The following ADSS1 variants were observed in gnomAD, a reference collection of about 807,000 sequenced individuals.
ADSS1 encodes the protein adenylosuccinate synthetase isozyme 1.
ADSS1 carries 57 observed loss-of-function variants against 59.1 expected under a neutral mutation model. That is an observed-to-expected ratio of 0.97 (90% CI 0.78 to 1.20). ADSS1 has a LOEUF of 1.20. Among genes scored for constraint, ADSS1 ranks in the 50% most tolerant of loss-of-function variants. The pLI, the probability that ADSS1 is intolerant of heterozygous loss-of-function variation, is 0.00. For missense variants in ADSS1, 603 were observed against 610.3 expected (o/e 0.99, Z 0.13); for synonymous variants, 247 against 249.4 (o/e 0.99, Z 0.09).
At position 104,746,376 on chromosome 14, in the gene ADSS1, G is replaced by C; in HGVS notation, c.1312G>C (p.Gly438Arg). The change falls in exon 12 of 13, where the codon GGA becomes CGA. Residue 438 changes from glycine (G) to arginine (R), a missense_variant. Transcript: ENST00000330877. ...CATCCGCTTTGTGGAGAATCACGTG[G>C]GAGTCGCAGGTGGGTGCCCTGCATC... Reference protein sequence around the residue: ...NYIRFVENHVGVAVKWVGVGK... With the variant: ...NYIRFVENHVRVAVKWVGVGK... 2 of 1,611,590 alleles carry C rather than the reference G, an allele frequency of 1.2e-6. No individual in the cohort carries two copies. The highest frequency in any genetic ancestry group is 1.7e-6 in the Non-Finnish European group (2 of 1,178,592).
intron 7 of ADSS1, 47 bp from the exon 8 acceptor site, chr14:104,741,070 C>T (rs1891329333): frequency 1.3e-6 from 2 of 1,584,254 alleles, no homozygotes; most frequent in African/African-American, 1.3e-5. Context: ...CAGGCCTCCC[C>T]TGCCCCAGGC....
Position 104,724,325 on chromosome 14 carries a change from C to T in ADSS1, c.55C>T (p.Arg19Trp). 8.1e-7 allele frequency: 1 copy of T among 1,238,876 alleles called. No individual in the cohort carries two copies. The highest frequency in any genetic ancestry group is 3.1e-5 in the East Asian group (1 of 31,776). 76.7% of individuals were successfully genotyped at this position (1,238,876 alleles called of 1,614,324 possible). A position where few individuals can be genotyped will look rare whatever the true frequency, so the allele number is the denominator to read the frequency against. Reference sequence around the variant, plus strand: ...GCCCCCCGGCGCAGGCGGCGTCAAGCGGGGGCGGCTGCAGCAGGAGGCGGC... The same window carrying T: ...GCCCCCCGGCGCAGGCGGCGTCAAGTGGGGGCGGCTGCAGCAGGAGGCGGC... ...DRPPGAGGVK[R>W]GRLQQEAAAT... Residue 19 changes from arginine (R) to tryptophan (W), a missense_variant, in exon 1 of 13, where the codon CGG (arginine) becomes TGG (tryptophan). Physicochemically the swap from Arg to Trp is moderately radical, Grantham distance 101 (BLOSUM62 -3). Transcript: ENST00000330877.
In ADSS1 at chr14:104,735,034, C is replaced by T. The variant is rs761935811; in HGVS notation, c.207C>T (p.Ala69=). ...IISRCQGGNN[A]GHTVVVDGKE... ...TTCTGTTCCAGGGGGGCAACAACGC[C>T]GGCCACACGGTGGTGGTGGATGGGA... is the stretch of plus-strand genomic sequence containing the variant. Residue 69 remains alanine, a synonymous_variant, in exon 2 of 13, where the codon GCC becomes GCT. Coordinates refer to ENST00000330877, the MANE Select transcript of ADSS1 (RefSeq NM_152328.5). 3.6e-5 allele frequency: 58 copies of T among 1,612,992 alleles called. No homozygotes were observed. The South Asian group carries it at 3.6e-4, about 10-fold the overall frequency.
At chr14:104,729,391 G>C (rs2140748349) in intron 1 of ADSS1, among the ~76,000 whole-genome samples, 1 of 152,316 alleles carries the variant, frequency 6.6e-6, no homozygotes, top group South Asian at 2.1e-4. Context: ...GCAGGGGCAG[G>C]GCATGCGCCA....
chr14:104,725,057 T>C (rs1890681076), intron 1 of ADSS1, among the ~76,000 whole-genome samples: 1 of 152,106 alleles, frequency 6.6e-6, no homozygotes, highest in African/African-American at 2.4e-5. Context: ...GGGAGGGTGC[T>C]TGGGACGATC....
chr14:104,743,672 T>A (rs775749926), intron 10 of ADSS1: 7 of 168,312 alleles, frequency 4.2e-5, no homozygotes, highest in Admixed American at 1.1e-4. Flanking sequence ...CACAGCTTCC[T>A]TTCCAGCTCA....
At chr14:104,737,210 G>C (rs923679800) in intron 2 of ADSS1, 9 of 151,842 alleles carry the variant, frequency 5.9e-5, no homozygotes, top group African/African-American at 2.2e-4. Context: ...ATTTTTTACT[G>C]TCCTAAAACC....
At chr14:104,733,998 T>C (rs1266295238) in intron 1 of ADSS1, among the ~76,000 whole-genome samples, 3 of 152,206 alleles carry the variant, frequency 2.0e-5, no homozygotes, top group African/African-American at 4.8e-5. Flanking sequence ...ACACTGGGCC[T>C]ACAGGGGTCT....
At chr14:104,736,001 C>T (rs993144725) in intron 2 of ADSS1, among the ~76,000 whole-genome samples, 2 of 152,318 alleles carry the variant, frequency 1.3e-5, no homozygotes, top group South Asian at 2.1e-4. Flanking sequence ...GGGGGTCAGG[C>T]GCCTCAGGTG....
chr14:104,727,983 C>T (rs1187805220), intron 1 of ADSS1, among the ~76,000 whole-genome samples: 2 of 152,210 alleles, frequency 1.3e-5, no homozygotes, highest in Non-Finnish European at 2.9e-5. Context: ...CCTCCCGTGC[C>T]CTCCAGGTCT....
intron 12 of ADSS1, 126 bp downstream of exon 12, chr14:104,746,511 G>A (rs1039612284): frequency 8.6e-5 from 114 of 1,329,474 alleles, no homozygotes; most frequent in Non-Finnish European, 1.7e-5. Context: ...TATATTGCAT[G>A]GCAGGAGGGG....
At chr14:104,739,421 CCACCATTGCCAGCCGGCCCTGCTCCTA>C in intron 4 of ADSS1, 43 bp downstream of exon 4, 1 of 1,577,292 alleles carries the variant, frequency 6.3e-7, no homozygotes, top group Non-Finnish European at 8.6e-7. Flanking sequence ...CCTCCTGCCC[CCACCATTGCCAGCCGGCCCTGCTCCTA>C]CATGGCCACC....
At chr14:104,732,883 G>A (rs185763892) in intron 1 of ADSS1, among the ~76,000 whole-genome samples, 198 of 152,310 alleles carry the variant, frequency 1.3e-3, no homozygotes, top group African/African-American at 4.5e-3. Flanking sequence ...CATATGTGCC[G>A]AGGCAAGGAC....
At position 104,746,386 on chromosome 14, in the gene ADSS1, G is replaced by GT; in HGVS notation, c.1321+2dup. 1 of 1,609,742 alleles carries GT rather than the reference G, an allele frequency of 6.2e-7. No individual in the cohort carries two copies. Among genetic ancestry groups the GT allele is most frequent in the Non-Finnish European group, 8.5e-7 (1 of 1,177,342 alleles). ...GTGGAGAATCACGTGGGAGTCGCAG[G>GT]TGGGTGCCCTGCATCCCCAGCCACC... is the stretch of plus-strand genomic sequence containing the variant. On this transcript the variant is annotated splice_donor_variant, in intron 12 of 12. Transcript: ENST00000330877. LOFTEE classifies it high-confidence loss of function.
intron 12 of ADSS1, 28 bp downstream of exon 12, chr14:104,746,413 T>A: frequency 6.3e-7 from 1 of 1,595,964 alleles, no homozygotes; most frequent in Non-Finnish European, 8.6e-7. Flanking sequence ...CCAGCCACCC[T>A]CCCTGCACCC....
In ADSS1 at chr14:104,743,356, T is replaced by C. The variant is rs1010856639; in HGVS notation, c.1073+165T>C. 38 of 1,020,230 alleles carry C rather than the reference T, an allele frequency of 3.7e-5. No homozygotes were observed. The Middle Eastern group carries it at 1.3e-3, about 34-fold the overall frequency. The allele number at this position is 1,020,230 out of a possible 1,614,324, so 63.2% of individuals were successfully genotyped here. On this transcript the variant is annotated intron_variant, in intron 10 of 12. Transcript: ENST00000330877. ...AAGCACGGCCCAGAGGTTAGCGGTA[T>C]GGAGGCCTGTGCAGGGTGTGTTGGA... is the stretch of plus-strand genomic sequence containing the variant.
chr14:104,734,045 A>T (rs1891028466), intron 1 of ADSS1, among the ~76,000 whole-genome samples: 1 of 152,318 alleles, frequency 6.6e-6, no homozygotes, highest in African/African-American at 2.4e-5. Context: ...TGCTGTAGGG[A>T]TATCCCTTGC....
chr14:104,725,022 G>A (rs1259344556), intron 1 of ADSS1, among the ~76,000 whole-genome samples: 4 of 152,276 alleles, frequency 2.6e-5, no homozygotes, highest in African/African-American at 7.2e-5. Context: ...AGGCCGTCCT[G>A]GGGGGCAATT....
chr14:104,745,405 G>A (rs1312165826), intron 11 of ADSS1: 1 of 155,302 alleles, frequency 6.4e-6, no homozygotes, highest in Admixed American at 6.3e-5. Context: ...CATGAAGGAG[G>A]TGCCATTTTC....
Sources: gnomAD v4.1 joint callset for allele counts (sites outside exome capture counted in the v4.1 genomes callset) on GRCh38, gnomAD v4.1.1 for gene constraint, MANE v1.5 for transcripts, NCBI Gene and HGNC (gene_info 2026-07-23, HGNC 2026-07-21) for gene names.